The following GNAI1 variants were observed in gnomAD, a reference collection of about 807,000 sequenced individuals.
GNAI1 encodes guanine nucleotide-binding protein G(i) subunit alpha-1.
In GNAI1, 11 loss-of-function variants were observed where a neutral mutation model predicts 38.9. The observed-to-expected ratio is 0.28, with a 90% CI of 0.18 to 0.47. The LOEUF (loss-of-function observed/expected upper bound fraction) is 0.47, where lower values mean the gene tolerates loss of function less well. Among genes scored for constraint, GNAI1 ranks in the 20% least tolerant of loss-of-function variants. GNAI1 has a pLI of 0.99. For missense variants in GNAI1, 317 were observed against 436.9 expected (o/e 0.73, Z 2.45); for synonymous variants, 166 against 145.1 (o/e 1.14, Z -1.04).
At chr7:80,148,538 AAAAC>A (rs1183322591) in intron 1 of GNAI1, among the ~76,000 whole-genome samples, 2 of 145,020 alleles carry the variant, frequency 1.4e-5, no homozygotes, top group African/African-American at 5.0e-5. Flanking sequence ...AATTAAAAAA[AAAAC>A]AAAAAACTTA....
At chr7:80,200,198 C>G (rs555537143) in intron 4 of GNAI1, among the ~76,000 whole-genome samples, 1 of 151,418 alleles carries the variant, frequency 6.6e-6, no homozygotes, top group East Asian at 2.0e-4. Flanking sequence ...ATGGTGCACA[C>G]GTGTGGTCCC....
chr7:80,135,046 T>C lies in GNAI1; in HGVS notation c.-115T>C. The C allele has an allele frequency of 1.9e-6, 1 of 529,424 alleles. No individual in the cohort carries two copies. Among genetic ancestry groups the C allele is most frequent in the Non-Finnish European group, 3.1e-6 (1 of 324,666 alleles). The allele number at this position is 529,424 out of a possible 1,614,324, so 32.8% of individuals were successfully genotyped here. On this transcript the variant is annotated 5_prime_UTR_variant, in exon 1 of 8. Transcript: ENST00000649796. Reference sequence around the variant, plus strand: ...CGCTTAGGAAGTGGTGGGGGCGGCGTGGCCCCCGTCGGGAGGCGTTCGAAC... The same window carrying C: ...CGCTTAGGAAGTGGTGGGGGCGGCGCGGCCCCCGTCGGGAGGCGTTCGAAC...
intron 1 of GNAI1, among the ~76,000 whole-genome samples, chr7:80,175,918 T>C (rs1467781254): frequency 6.6e-6 from 1 of 152,164 alleles, no homozygotes; most frequent in African/African-American, 2.4e-5. Flanking sequence ...CCTCTAAGTG[T>C]TCAAAGGAAA....
chr7:80,161,952 A>G (rs1361843260), intron 1 of GNAI1, among the ~76,000 whole-genome samples: 1 of 152,160 alleles, frequency 6.6e-6, no homozygotes, highest in Non-Finnish European at 1.5e-5. Context: ...TATAAATACC[A>G]GGTTATTTAA....
In GNAI1 at chr7:80,211,135, TGA is replaced by T. The variant is rs748766775; in HGVS notation, c.720+38_720+39del. 3 of 1,586,028 alleles carry T rather than the reference TGA, an allele frequency of 1.9e-6. No individual in the cohort carries two copies. The South Asian group carries it at 3.4e-5, about 18-fold the overall frequency. On this transcript the variant is annotated intron_variant, in intron 6 of 7. Coordinates refer to ENST00000649796, the MANE Select transcript of GNAI1 (RefSeq NM_002069.6). ...TACTTTAAGAGTTGAGCTTGAAACATGAAGAGCTGAAGGTGTTGCCAAGAATT... is the reference window on the plus strand; with the variant it reads ...TACTTTAAGAGTTGAGCTTGAAACATAGAGCTGAAGGTGTTGCCAAGAATT...
At chr7:80,195,836 TTTGA>T (rs1235667210) in intron 3 of GNAI1, among the ~76,000 whole-genome samples, 4 of 152,026 alleles carry the variant, frequency 2.6e-5, no homozygotes, top group African/African-American at 7.2e-5. Context: ...TTCAGGTGGC[TTTGA>T]TTATTTTAAA....
At chr7:80,144,973 A>T (rs1309244333) in intron 1 of GNAI1, among the ~76,000 whole-genome samples, 1 of 152,180 alleles carries the variant, frequency 6.6e-6, no homozygotes, top group East Asian at 1.9e-4. Context: ...TGGGACTATA[A>T]GATGGTGCTC....
rs1225696930 is a variant in GNAI1, at chr7:80,219,088, C to G, written c.*1595C>G. 1 of 147,444 alleles carries G rather than the reference C, an allele frequency of 6.8e-6. No individual in the cohort carries two copies. Among genetic ancestry groups the G allele is most frequent in the African/African-American group, 2.5e-5 (1 of 39,702 alleles). 9.1% of individuals were successfully genotyped at this position (147,444 alleles called of 1,614,324 possible). The stretch of plus-strand genomic sequence containing the variant: ...CCATAAACTATATTCATATCTGTTT[C>G]ATTTGGAGGATTTTCTTCTTTGTAA... On this transcript the variant is annotated 3_prime_UTR_variant, in exon 8 of 8. Transcript: ENST00000649796.
intron 7 of GNAI1, 59 bp from the exon 8 acceptor site, chr7:80,217,244 T>TTTGATATGTATGAAACTGA: frequency 9.1e-7 from 1 of 1,093,800 alleles, no homozygotes; most frequent in Non-Finnish European, 1.3e-6. Context: ...CTGAATTCAG[T>TTTGATATGTATGAAACTGA]ATTTTAAGCA....
At chr7:80,182,517 A>G (rs968309697) in intron 1 of GNAI1, among the ~76,000 whole-genome samples, 3 of 152,176 alleles carry the variant, frequency 2.0e-5, no homozygotes, top group Admixed American at 1.3e-4. Context: ...AGAATGTCAG[A>G]TATCTCCCAT....
intron 3 of GNAI1, among the ~76,000 whole-genome samples, chr7:80,198,622 A>C (rs548180525): frequency 6.6e-6 from 1 of 152,292 alleles, no homozygotes; most frequent in South Asian, 2.1e-4. Context: ...TTAGCAAAAC[A>C]CCTGCTCCCA....
chr7:80,137,302 T>TTTTTC (rs1787434774), intron 1 of GNAI1, among the ~76,000 whole-genome samples: 9 of 60,338 alleles, frequency 1.5e-4, no homozygotes, highest in African/African-American at 3.0e-4. Context: ...TCTTTTTTTT[T>TTTTTC]TTTTCTTTTC....
chr7:80,165,332 C>T (rs948029891), intron 1 of GNAI1, among the ~76,000 whole-genome samples: 1 of 152,174 alleles, frequency 6.6e-6, no homozygotes, highest in Non-Finnish European at 1.5e-5. Context: ...ACAGATCTCA[C>T]TCCACAGCTA....
rs1481329377 is a variant in GNAI1, at chr7:80,220,203, G to A, written c.*2710G>A. Among the ~76,000 whole-genome samples the A allele has an allele frequency of 6.6e-6, 1 of 150,658 alleles. No homozygotes were observed. Among genetic ancestry groups the A allele is most frequent in the Non-Finnish European group, 1.5e-5 (1 of 67,910 alleles). ...ACACTGTATCCAAATAGTGTCCTGT[G>A]CATAACCTGGGCTTTCCTCCAAGTA... On this transcript the variant is annotated 3_prime_UTR_variant, in exon 8 of 8. Transcript: ENST00000649796.
chr7:80,164,098 G>T (rs1448024612), intron 1 of GNAI1, among the ~76,000 whole-genome samples: 1 of 138,526 alleles, frequency 7.2e-6, no homozygotes, highest in Non-Finnish European at 1.5e-5. Flanking sequence ...AGGCTGGAGT[G>T]CAGTGGCGTG....
At chr7:80,165,406 CA>C (rs1648705548) in intron 1 of GNAI1, among the ~76,000 whole-genome samples, 1 of 152,096 alleles carries the variant, frequency 6.6e-6, no homozygotes, top group Admixed American at 6.5e-5. Flanking sequence ...GTTAACATTC[CA>C]TCATGAATCT....
At chr7:80,207,354 A>C (rs1788794034) in intron 5 of GNAI1, among the ~76,000 whole-genome samples, 1 of 152,084 alleles carries the variant, frequency 6.6e-6, no homozygotes, top group Non-Finnish European at 1.5e-5. Context: ...TAGGTTTTTC[A>C]AACTTGTCAT....
intron 1 of GNAI1, chr7:80,135,898 T>A: frequency 1.0e-6 from 1 of 985,256 alleles, no homozygotes; most frequent in South Asian, 4.7e-5. Context: ...GATGCTTGAT[T>A]TTTCTTGCTG....
chr7:80,169,908 C>T (rs1018689715), intron 1 of GNAI1, among the ~76,000 whole-genome samples: 4 of 152,110 alleles, frequency 2.6e-5, no homozygotes, highest in African/African-American at 4.8e-5. Flanking sequence ...CTGGACATTT[C>T]GTATAAATGG....
Sources: allele counts gnomAD v4.1 joint callset (sites outside exome capture counted in the v4.1 genomes callset), GRCh38; gene constraint gnomAD v4.1.1; transcripts MANE v1.5; gene names NCBI Gene and HGNC (gene_info 2026-07-23, HGNC 2026-07-21).